SDK1: variants seen among roughly 807,000 people sequenced by gnomAD.
SDK1 encodes protein sidekick-1.
In SDK1, 157 loss-of-function variants were observed where a neutral mutation model predicts 245.5. That is an observed-to-expected ratio of 0.64 (90% confidence interval 0.56 to 0.73). SDK1 has a LOEUF of 0.73. Ranked by LOEUF, SDK1 falls within the 30% of genes least tolerant of loss-of-function variation. The pLI is 0.00. For missense variants in SDK1, 3,583 were observed against 3,002.3 expected, an observed-to-expected ratio of 1.19 and a Z score of -4.52; for synonymous variants, 1,647 against 1,278.5, an observed-to-expected ratio of 1.29 and a Z score of -6.15.
At chr7:3,796,774 T>C (rs1014644262) in intron 4 of SDK1, among the ~76,000 whole-genome samples, 13 of 152,228 alleles carry the variant, frequency 8.5e-5, no homozygotes, top group African/African-American at 2.9e-4. Context: ...TTTAAATGAA[T>C]GTGTTGTTTG....
At chr7:3,572,182 G>A (rs1305883164) in intron 1 of SDK1, among the ~76,000 whole-genome samples, 1 of 152,044 alleles carries the variant, frequency 6.6e-6, no homozygotes, top group Admixed American at 6.6e-5. Flanking sequence ...GAACTAATAA[G>A]TTAGTAGTTT....
intron 1 of SDK1, among the ~76,000 whole-genome samples, chr7:3,470,345 A>G (rs1175419738): frequency 6.6e-6 from 1 of 152,124 alleles, no homozygotes; most frequent in Non-Finnish European, 1.5e-5. Flanking sequence ...GAGATAGTCA[A>G]GGTACTACCC....
intron 40 of SDK1, among the ~76,000 whole-genome samples, chr7:4,224,234 A>C (rs1004111504): frequency 9.9e-5 from 15 of 152,190 alleles, no homozygotes; most frequent in Admixed American, 7.9e-4. Flanking sequence ...AAAAAAGTTT[A>C]GTTGGCTCAC....
At chr7:3,424,539 C>A (rs1256687099) in intron 1 of SDK1, among the ~76,000 whole-genome samples, 1 of 152,084 alleles carries the variant, frequency 6.6e-6, no homozygotes, top group East Asian at 1.9e-4. Context: ...ATGAATCTTG[C>A]TGCATCAGTT....
rs73671832 is a variant in SDK1, at chr7:3,465,062, G to C, written c.299-154018G>C. ...GGGCACAAACTCTTACAGATGTCAAGAGTCAGAATTTACATGTGGTGGGGC... is the reference window on the plus strand; with the variant it reads ...GGGCACAAACTCTTACAGATGTCAACAGTCAGAATTTACATGTGGTGGGGC... On this transcript the variant is annotated intron_variant, in intron 1 of 44. Coordinates refer to ENST00000404826, the MANE Select transcript of SDK1 (RefSeq NM_152744.4). 5.5e-3 allele frequency among the ~76,000 whole-genome samples: 840 copies of C among 152,258 alleles called. 6 individuals are homozygous for C. Among genetic ancestry groups the C allele is most frequent in the African/African-American group, 0.019 (805 of 41,550 alleles).
chr7:3,759,357 A>G (rs1011172172), intron 4 of SDK1, among the ~76,000 whole-genome samples: 2 of 152,162 alleles, frequency 1.3e-5, no homozygotes, highest in Non-Finnish European at 2.9e-5. Context: ...GCAGTGCTAT[A>G]TAGAAAATAA....
chr7:3,672,759 T>TTATATATATATATATATA (rs60760676), intron 4 of SDK1, among the ~76,000 whole-genome samples: 16 of 50,722 alleles, frequency 3.2e-4, no homozygotes, highest in East Asian at 6.3e-4. Context: ...ATATATAATT[T>TTATATATATATATATATA]TATATATATA....
chr7:3,703,811 T>G (rs1784808134), intron 4 of SDK1, among the ~76,000 whole-genome samples: 1 of 152,214 alleles, frequency 6.6e-6, no homozygotes, highest in African/African-American at 2.4e-5. Flanking sequence ...CCAAGACGTG[T>G]GAATTTGTTG....
At chr7:4,148,037 T>G (rs562038190) in intron 29 of SDK1, among the ~76,000 whole-genome samples, 2 of 146,726 alleles carry the variant, frequency 1.4e-5, no homozygotes, top group African/African-American at 5.0e-5. Flanking sequence ...AGATTTTCCA[T>G]TGGGGCCCCC....
chr7:4,192,977 A>G (rs1584411580), intron 35 of SDK1, among the ~76,000 whole-genome samples: 1 of 148,044 alleles, frequency 6.8e-6, no homozygotes, highest in African/African-American at 2.5e-5. Context: ...CTCTAGAGGG[A>G]CAGAACCAAT....
intron 1 of SDK1, among the ~76,000 whole-genome samples, chr7:3,349,739 A>G (rs371964381): frequency 4.0e-5 from 6 of 151,394 alleles, no homozygotes; most frequent in African/African-American, 1.2e-4. Flanking sequence ...GGCTGGGCCT[A>G]CAGGCACCTG....
rs201456300 is a variant in SDK1, at chr7:4,265,351, A to T, written c.6609A>T (p.Arg2203=). ...ACACCCCCGCTGGCCCCGGCGCGCG[A>T]ACTCCGCTCACCGGCTTCTCCTCCT... ...GVYTPAGPGA[R]TPLTGFSSFV is the part of the protein sequence containing the mutation. The change falls in exon 45 of 45, where the codon CGA becomes CGT. Residue 2203 remains arginine, a synonymous_variant. Coordinates refer to ENST00000404826, the MANE Select transcript of SDK1 (RefSeq NM_152744.4). 3.9e-3 allele frequency: 5,636 copies of T among 1,459,324 alleles called. 26 individuals are homozygous for T. The highest frequency in any genetic ancestry group is 4.1e-3 in the Non-Finnish European group (4,553 of 1,118,746). The allele number at this position is 1,459,324 out of a possible 1,614,324, so 90.4% of individuals were successfully genotyped here. A position where few individuals can be genotyped will look rare whatever the true frequency, so the allele number is the denominator to read the frequency against.
chr7:3,578,941 G>A (rs558303190), intron 1 of SDK1, among the ~76,000 whole-genome samples: 4 of 151,852 alleles, frequency 2.6e-5, no homozygotes, highest in Non-Finnish European at 5.9e-5. Flanking sequence ...AAAATAACAG[G>A]ATTAAGAGAT....
At chr7:4,200,446 A>T (rs1478492779) in intron 35 of SDK1, among the ~76,000 whole-genome samples, 1 of 152,244 alleles carries the variant, frequency 6.6e-6, no homozygotes, top group Non-Finnish European at 1.5e-5. Flanking sequence ...TGGGCCAGAA[A>T]TCTGGGAATA....
At chr7:3,316,043 C>G (rs987936374) in intron 1 of SDK1, among the ~76,000 whole-genome samples, 1 of 152,098 alleles carries the variant, frequency 6.6e-6, no homozygotes, top group African/African-American at 2.4e-5. Context: ...CTCCCCACAA[C>G]TCTAATATAG....
At chr7:3,612,880 C>T (rs180866854) in intron 1 of SDK1, among the ~76,000 whole-genome samples, 1 of 152,124 alleles carries the variant, frequency 6.6e-6, no homozygotes, top group Non-Finnish European at 1.5e-5. Flanking sequence ...CACCGGGACA[C>T]GTGGACTTTG....
At chr7:3,949,246 T>G (rs907074084) in intron 5 of SDK1, among the ~76,000 whole-genome samples, 1 of 152,346 alleles carries the variant, frequency 6.6e-6, no homozygotes, top group African/African-American at 2.4e-5. Flanking sequence ...CCTCACATTA[T>G]TCAATCAACA....
At chr7:3,430,082 C>T (rs1276197405) in intron 1 of SDK1, among the ~76,000 whole-genome samples, 1 of 152,196 alleles carries the variant, frequency 6.6e-6, no homozygotes, top group African/African-American at 2.4e-5. Context: ...TTGAGGACAG[C>T]CCTTCTTTGC....
At chr7:4,133,222 G>C (rs1425253867) in intron 28 of SDK1, among the ~76,000 whole-genome samples, 1 of 152,224 alleles carries the variant, frequency 6.6e-6, no homozygotes, top group Non-Finnish European at 1.5e-5. Flanking sequence ...ATTACAGCCA[G>C]CATACCAACT....
Sources: gnomAD v4.1 joint callset for allele counts (sites outside exome capture counted in the v4.1 genomes callset) on GRCh38, gnomAD v4.1.1 for gene constraint, MANE v1.5 for transcripts, NCBI Gene and HGNC (gene_info 2026-07-23, HGNC 2026-07-21) for gene names.